Variants in C19orf38 observed in about 807,000 individuals in gnomAD.
C19orf38 encodes the protein chromosome 19 open reading frame 38.
C19orf38 carries 14 observed loss-of-function variants against 26.6 expected under a neutral mutation model. The ratio of observed to expected loss-of-function variants is 0.53; its 90% confidence interval spans 0.35 to 0.82. The LOEUF is 0.82. Among genes scored for constraint, C19orf38 ranks in the 40% least tolerant of loss-of-function variants. The probability of loss-of-function intolerance (pLI) is 0.01; values close to 1 mark genes in which losing one functional copy is unlikely to be tolerated. For missense variants in C19orf38, 261 were observed against 299.5 expected, an observed-to-expected ratio of 0.87 and a Z score of 0.95; for synonymous variants, 132 against 128.5, an observed-to-expected ratio of 1.03 and a Z score of -0.18.
chr19:10,838,058 G>A (rs375722791), intron 1 of C19orf38, among the ~76,000 whole-genome samples: 2 of 152,188 alleles, frequency 1.3e-5, no homozygotes, highest in African/African-American at 4.8e-5. Flanking sequence ...CCCTCCCAAA[G>A]TGTTGGGATT....
At chr19:10,858,241 A>AAC in intron 3 of C19orf38, 75 bp from the exon 4 acceptor site, 2 of 1,206,884 alleles carry the variant, frequency 1.7e-6, no homozygotes, top group South Asian at 3.3e-5. Context: ...AAAAAAAAAA[A>AAC]AAAAAAAAAA....
At chr19:10,855,288 C>T (rs1241595583) in intron 2 of C19orf38, among the ~76,000 whole-genome samples, 1 of 152,060 alleles carries the variant, frequency 6.6e-6, no homozygotes. Flanking sequence ...CCACCTCAGT[C>T]TCCCAAAGGG....
At position 10,859,348 on chromosome 19, in the gene C19orf38, G is replaced by GTATA. The variant is rs1164393634; in HGVS notation, c.462-533_462-530dup. ...TGTATGTATGTGTGTGTGTGTGTGT[G>GTATA]TATATATATATATATATATATATAT... On this transcript the variant is annotated intron_variant, in intron 4 of 6. Transcript: ENST00000397820. Among the ~76,000 whole-genome samples, 524 of 55,764 alleles carry GTATA rather than the reference G, an allele frequency of 9.4e-3. 1 individual carries two copies. Among genetic ancestry groups the GTATA allele is most frequent in the Non-Finnish European group, 0.013 (419 of 32,714 alleles). 36.6% of individuals were successfully genotyped at this position (55,764 alleles called of 152,430 possible).
At chr19:10,853,124 G>A (rs1025296843) in intron 2 of C19orf38, among the ~76,000 whole-genome samples, 7 of 151,416 alleles carry the variant, frequency 4.6e-5, no homozygotes, top group African/African-American at 9.7e-5. Flanking sequence ...GTGCAGTGGC[G>A]CAATCACAGC....
At chr19:10,867,788 G>A (rs2073766921) in intron 6 of C19orf38, among the ~76,000 whole-genome samples, 1 of 150,624 alleles carries the variant, frequency 6.6e-6, no homozygotes. Flanking sequence ...AAGTAGCTGG[G>A]ATTACAGGCG....
intron 1 of C19orf38, chr19:10,842,108 T>C: frequency 4.4e-6 from 7 of 1,581,116 alleles, no homozygotes; most frequent in Non-Finnish European, 6.1e-6. Flanking sequence ...TAGGTAATGC[T>C]GCTGTATCCT....
intron 2 of C19orf38, 47 bp from the exon 3 acceptor site, chr19:10,856,218 G>A (rs2073623508): frequency 6.8e-7 from 1 of 1,464,470 alleles, no homozygotes; most frequent in Non-Finnish European, 9.4e-7. Context: ...AGGTAACCTG[G>A]AGAGACGACA....
chr19:10,848,499 G>A lies in C19orf38; in HGVS notation c.-10G>A, dbSNP rs1226857212. ...CCTCAGCCGGATTTCCCAGCCAAAC[G>A]CAGAGAGAGATGCCCTGGACCATCT... On this transcript the variant is annotated 5_prime_UTR_variant, in exon 1 of 7. Transcript: ENST00000397820. The A allele has an allele frequency of 2.1e-5, 32 of 1,551,496 alleles. No individual in the cohort carries two copies. Among genetic ancestry groups the A allele is most frequent in the Admixed American group, 3.9e-5 (2 of 50,982 alleles).
intron 6 of C19orf38, among the ~76,000 whole-genome samples, chr19:10,866,770 A>C (rs1029354409): frequency 1.3e-5 from 2 of 151,776 alleles, no homozygotes; most frequent in Non-Finnish European, 2.9e-5. Context: ...CCTCCCAAGT[A>C]GCTGGGACTG....
intron 6 of C19orf38, 132 bp from the exon 7 acceptor site, chr19:10,869,086 G>A: frequency 8.6e-7 from 1 of 1,156,382 alleles, no homozygotes; most frequent in Non-Finnish European, 1.2e-6. Context: ...ACCAGGACAG[G>A]TGGGTGTGGG....
At chr19:10,858,226 T>TTAA in intron 3 of C19orf38, 90 bp from the exon 4 acceptor site, 2 of 320,732 alleles carry the variant, frequency 6.2e-6, no homozygotes, top group East Asian at 1.3e-4. Context: ...AGACTCTGTC[T>TTAA]AAAAAAAAAA....
In C19orf38 at chr19:10,856,342, C is replaced by T. The variant is rs1051319112; in HGVS notation, c.418C>T (p.Leu140=). Residue 140 remains leucine (L), a synonymous_variant, in exon 3 of 7, where the codon CTG becomes TTG. Coordinates refer to ENST00000397820, the MANE Select transcript of C19orf38 (RefSeq NM_001136482.3). ...FLLAGLVAVA[L]VVRKVKLRNL... is the part of the protein sequence containing the mutation. ...CCTTGCTGGGCTGGTGGCTGTTGCC[C>T]TGGTGGTCAGAAAAGGTAACAGCAC... The T allele has an allele frequency of 1.9e-6, 3 of 1,551,154 alleles. No individual in the cohort carries two copies. Among genetic ancestry groups the T allele is most frequent in the Admixed American group, 3.9e-5 (2 of 50,980 alleles).
At chr19:10,842,140 C>G in intron 1 of C19orf38, 1 of 1,581,464 alleles carries the variant, frequency 6.3e-7, no homozygotes, top group Middle Eastern at 1.7e-4. Context: ...TTCACTCAGG[C>G]CCAGATGACA....
intron 5 of C19orf38, 64 bp from the exon 6 acceptor site, chr19:10,863,106 G>A: frequency 2.0e-6 from 3 of 1,492,718 alleles, no homozygotes; most frequent in South Asian, 1.2e-5. Context: ...GTGCGGGGAT[G>A]GCAGGGAGCA....
intron 6 of C19orf38, among the ~76,000 whole-genome samples, chr19:10,868,799 C>T (rs1039020092): frequency 6.6e-6 from 1 of 152,206 alleles, no homozygotes; most frequent in African/African-American, 2.4e-5. Context: ...AGCCACTGGG[C>T]CCAACAGAGG....
chr19:10,842,279 GAGACGGAGTC>G (rs2073483718), intron 1 of C19orf38: 1 of 887,274 alleles, frequency 1.1e-6, no homozygotes, highest in Admixed American at 2.2e-5. Flanking sequence ...TTTTTTTTTT[GAGACGGAGTC>G]TCACTCTGTC....
chr19:10,846,347 C>T (rs538382394), upstream of C19orf38, among the ~76,000 whole-genome samples: 8 of 151,478 alleles, frequency 5.3e-5, no homozygotes, highest in Non-Finnish European at 1.0e-4. Context: ...CAGGCACCCA[C>T]TACCACATCT....
At chr19:10,857,366 A>ATATATATATTTTTTTTTTT (rs1433358051) in intron 3 of C19orf38, among the ~76,000 whole-genome samples, 1 of 56,102 alleles carries the variant, frequency 1.8e-5, no homozygotes, top group African/African-American at 1.7e-4. Context: ...ATATATATAT[A>ATATATATATTTTTTTTTTT]TTTTTTTTTT....
At chr19:10,867,274 C>T (rs1035160059) in intron 6 of C19orf38, among the ~76,000 whole-genome samples, 1 of 151,834 alleles carries the variant, frequency 6.6e-6, no homozygotes, top group African/African-American at 2.4e-5. Flanking sequence ...AGCTTGATGT[C>T]CTCAAGGTTC....
Sources: gnomAD v4.1 joint callset for allele counts (sites outside exome capture counted in the v4.1 genomes callset) on GRCh38, gnomAD v4.1.1 for gene constraint, MANE v1.5 for transcripts, NCBI Gene and HGNC (gene_info 2026-07-23, HGNC 2026-07-21) for gene names.